The following PPP1R8 variants were observed in gnomAD, a reference collection of about 807,000 sequenced individuals.
The protein encoded by PPP1R8 is protein phosphatase 1 regulatory subunit 8, also known as nuclear inhibitor of protein phosphatase 1.
PPP1R8 carries 4 observed loss-of-function variants against 31.3 expected under a neutral mutation model. The observed-to-expected ratio is 0.13, with a 90% CI of 0.06 to 0.29. PPP1R8 has a LOEUF of 0.29. Among genes scored for constraint, PPP1R8 ranks in the 10% least tolerant of loss-of-function variants. PPP1R8 has a pLI of 1.00. For missense variants in PPP1R8, 254 were observed against 440.1 expected, an observed-to-expected ratio of 0.58 and a Z score of 3.78; for synonymous variants, 170 against 169.7, an observed-to-expected ratio of 1.00 and a Z score of -0.01.
chr1:27,851,607 A>G lies in PPP1R8; in HGVS notation c.*1161A>G, dbSNP rs980780829. ...GGAAATGTTTGCTAAAGGCACAGTC[A>G]CTGGGCTTGGGAGGCAATGCTCCAT... On this transcript the variant is annotated 3_prime_UTR_variant, in exon 7 of 7. Coordinates refer to ENST00000311772, the MANE Select transcript of PPP1R8 (RefSeq NM_014110.5). The G allele has an allele frequency of 3.9e-6, 2 of 508,054 alleles. No individual in the cohort carries two copies. Among genetic ancestry groups the G allele is most frequent in the African/African-American group, 3.9e-5 (2 of 51,854 alleles). The allele number at this position is 508,054 out of a possible 1,614,324, so 31.5% of individuals were successfully genotyped here.
At chr1:27,839,370 A>C (rs2089200892) in intron 3 of PPP1R8, among the ~76,000 whole-genome samples, 1 of 152,152 alleles carries the variant, frequency 6.6e-6, no homozygotes. Context: ...TCTACCAAAA[A>C]TACAAAAATT....
chr1:27,834,730 T>C (rs1217125817), intron 2 of PPP1R8, among the ~76,000 whole-genome samples: 3 of 152,124 alleles, frequency 2.0e-5, no homozygotes, highest in Non-Finnish European at 4.4e-5. Context: ...TTCCATACAT[T>C]TTGGCCAGGT....
At position 27,841,199 on chromosome 1, in the gene PPP1R8, T is replaced by C. The variant is rs1268454220; in HGVS notation, c.457T>C (p.Leu153=). Residue 153 remains leucine, a synonymous_variant, in exon 4 of 7, where the codon TTA becomes CTA. Coordinates refer to ENST00000311772, the MANE Select transcript of PPP1R8 (RefSeq NM_014110.5). ...TGGAGAGGATGATGAACTCAAGGGC[T>C]TACTGGGGCTTCCAGAGGAGGAAAC... is the stretch of plus-strand genomic sequence containing the variant. ...MGGEDDELKG[L]LGLPEEETEL... is the part of the protein sequence containing the mutation. The C allele has an allele frequency of 1.9e-6, 3 of 1,614,090 alleles. No homozygotes were observed. Among genetic ancestry groups the C allele is most frequent in the Non-Finnish European group, 2.5e-6 (3 of 1,180,034 alleles).
intron 2 of PPP1R8, among the ~76,000 whole-genome samples, chr1:27,836,350 G>A (rs907765313): frequency 1.3e-5 from 2 of 152,144 alleles, no homozygotes; most frequent in African/African-American, 4.8e-5. Flanking sequence ...TGTGGCAAAG[G>A]CTTTACTGAT....
Position 27,851,259 on chromosome 1 carries a change from G to A in PPP1R8, c.*813G>A, listed in dbSNP as rs962315106. ...CAGTTGGGGTAATTCAAATTAAAAA[G>A]GAAAAGATTTGTTTGGAAGTAACTG... On this transcript the variant is annotated 3_prime_UTR_variant, in exon 7 of 7. Transcript: ENST00000311772. 6.9e-6 allele frequency: 2 copies of A among 291,148 alleles called. No individual in the cohort carries two copies. The highest frequency in any genetic ancestry group is 4.4e-5 in the Admixed American group (1 of 22,918). 18.0% of individuals were successfully genotyped at this position (291,148 alleles called of 1,614,324 possible).
Position 27,850,477 on chromosome 1 carries a change from G to A in PPP1R8, c.*31G>A. 1 of 1,472,194 alleles carries A rather than the reference G, an allele frequency of 6.8e-7. No homozygotes were observed. The highest frequency in any genetic ancestry group is 9.3e-7 in the Non-Finnish European group (1 of 1,070,918). 91.2% of individuals were successfully genotyped at this position (1,472,194 alleles called of 1,614,324 possible). ...TTGGTCATGGAGAAGGGTGGGATTGGGTGGGAATGGGGTGGAAGGGTGATG... is the reference window on the plus strand; with the variant it reads ...TTGGTCATGGAGAAGGGTGGGATTGAGTGGGAATGGGGTGGAAGGGTGATG... On this transcript the variant is annotated 3_prime_UTR_variant, in exon 7 of 7. Transcript: ENST00000311772.
chr1:27,832,688 G>A, intron 1 of PPP1R8, 68 bp from the exon 2 acceptor site: 1 of 1,360,666 alleles, frequency 7.3e-7, no homozygotes, highest in Non-Finnish European at 1.0e-6. Context: ...ATGTTGAATG[G>A]GACAATGGTT....
chr1:27,838,253 G>A lies in PPP1R8; in HGVS notation c.118-446G>A, dbSNP rs143425770. On this transcript the variant is annotated intron_variant, in intron 2 of 6. Coordinates refer to ENST00000311772, the MANE Select transcript of PPP1R8 (RefSeq NM_014110.5). ...AAATTAGCTGAACGTGGTGGTGCAC[G>A]CCTGTAGTCCCAGCTCCTTGGGAGG... Among the ~76,000 whole-genome samples, 933 of 151,352 alleles carry A rather than the reference G, an allele frequency of 6.2e-3. 4 individuals carry two copies. The highest frequency in any genetic ancestry group is 0.021 in the Middle Eastern group (6 of 290).
chr1:27,847,911 A>G (rs1013763542), intron 6 of PPP1R8, among the ~76,000 whole-genome samples: 9 of 152,242 alleles, frequency 5.9e-5, no homozygotes, highest in Non-Finnish European at 1.2e-4. Context: ...ATAATGTGCA[A>G]TATGAATCTG....
intron 4 of PPP1R8, among the ~76,000 whole-genome samples, chr1:27,841,461 A>G (rs1203591167): frequency 1.3e-5 from 2 of 152,180 alleles, no homozygotes; most frequent in Non-Finnish European, 2.9e-5. Flanking sequence ...GCTGAGTCCC[A>G]GCCACTAGTC....
intron 1 of PPP1R8, chr1:27,831,180 GAACTTAC>G: frequency 8.4e-7 from 1 of 1,193,922 alleles, no homozygotes; most frequent in Non-Finnish European, 1.0e-6. Flanking sequence ...GCCTTGGCCC[GAACTTAC>G]GCCCAACTCT....
At chr1:27,841,292 C>T (rs2148617516) in intron 4 of PPP1R8, 58 bp downstream of exon 4, 1 of 1,568,796 alleles carries the variant, frequency 6.4e-7, no homozygotes, top group Non-Finnish European at 8.7e-7. Context: ...TTGGAGTATA[C>T]AGCTGTTCTA....
Position 27,850,266 on chromosome 1 carries a change from G to A in PPP1R8, c.876G>A (p.Met292Ile), listed in dbSNP as rs139324606. 4.7e-4 allele frequency: 757 copies of A among 1,614,098 alleles called. 1 individual carries two copies. Among genetic ancestry groups the A allele is most frequent in the Non-Finnish European group, 4.7e-4 (559 of 1,180,044 alleles). ...CAGCACTCATCGGTGGCTTGCCCATGCCATACCCAAACCTTGCCCCTGATG... is the reference window on the plus strand; with the variant it reads ...CAGCACTCATCGGTGGCTTGCCCATACCATACCCAAACCTTGCCCCTGATG... ...HGTALIGGLP[M>I]PYPNLAPDVD... is the part of the protein sequence containing the mutation. Residue 292 changes from methionine to isoleucine, a missense_variant, in exon 7 of 7, where the codon ATG becomes ATA. Physicochemically the swap from Met to Ile is conservative, Grantham distance 10. This residue lies in a region of PPP1R8 where 105 missense variants were observed against 128.0 expected (regional missense o/e 0.82). Coordinates refer to ENST00000311772, the MANE Select transcript of PPP1R8 (RefSeq NM_014110.5).
rs569324445 is a variant in PPP1R8 at position 27,831,123 on chromosome 1, T to C, written c.56+232T>C. The C allele has an allele frequency of 4.5e-6, 6 of 1,330,966 alleles. No individual in the cohort carries two copies. The African/African-American group carries it at 7.7e-5, about 17-fold the overall frequency. The allele number at this position is 1,330,966 out of a possible 1,614,324, so 82.4% of individuals were successfully genotyped here. On this transcript the variant is annotated intron_variant, in intron 1 of 6. Coordinates refer to ENST00000311772, the MANE Select transcript of PPP1R8 (RefSeq NM_014110.5). ...GGGTTGGGGGCTCAAAGGCGCTCACTTAGGCAGCCCCTTTGAGCGATTAGC... is the reference window on the plus strand; with the variant it reads ...GGGTTGGGGGCTCAAAGGCGCTCACCTAGGCAGCCCCTTTGAGCGATTAGC...
intron 6 of PPP1R8, among the ~76,000 whole-genome samples, chr1:27,847,729 CA>C (rs1169901788): frequency 7.5e-5 from 11 of 147,270 alleles, no homozygotes; most frequent in Middle Eastern, 6.9e-3. Context: ...GACTCCATCT[CA>C]AAAAAAAAAT....
intron 1 of PPP1R8, among the ~76,000 whole-genome samples, 174 bp from the exon 2 acceptor site, chr1:27,832,582 G>A (rs2089121156): frequency 6.6e-6 from 1 of 152,182 alleles, no homozygotes; most frequent in Non-Finnish European, 1.5e-5. Flanking sequence ...CACTAGGGAA[G>A]TAAGTGTCAA....
chr1:27,845,779 CTTTCTTTTTT>C (rs2148619471), intron 5 of PPP1R8, among the ~76,000 whole-genome samples: 1 of 123,934 alleles, frequency 8.1e-6, no homozygotes, highest in African/African-American at 3.8e-5. Context: ...TTCTTTCTTT[CTTTCTTTTTT>C]TTTTTTTTTT....
intron 5 of PPP1R8, among the ~76,000 whole-genome samples, chr1:27,846,072 G>C (rs1206594011): frequency 6.6e-6 from 1 of 152,108 alleles, no homozygotes. Context: ...TTACAGGCGT[G>C]AGCCACCGCA....
intron 2 of PPP1R8, chr1:27,834,285 G>A (rs942141209): frequency 1.0e-5 from 4 of 382,978 alleles, no homozygotes; most frequent in African/African-American, 4.2e-5. Flanking sequence ...GTTCTCTTTC[G>A]ATGTTGTTAA....
Sources: gnomAD v4.1 joint callset for allele counts (sites outside exome capture counted in the v4.1 genomes callset) on GRCh38, gnomAD v4.1.1 for gene constraint, gnomAD v4.1.1 regional missense constraint, MANE v1.5 for transcripts, NCBI Gene and HGNC (gene_info 2026-07-23, HGNC 2026-07-21) for gene names.